SUPV3L1: variants seen among roughly 807,000 people sequenced by gnomAD.
SUPV3L1 encodes the protein ATP-dependent RNA helicase SUPV3L1, mitochondrial.
Under a neutral mutation model 70.0 loss-of-function variants are expected in SUPV3L1, and 35 were observed. That is an observed-to-expected ratio of 0.50 (90% confidence interval 0.38 to 0.66). The LOEUF is 0.66. SUPV3L1 is among the 30% of genes least tolerant of loss of function. The pLI, the probability that SUPV3L1 is intolerant of heterozygous loss-of-function variation, is 0.00. For synonymous variants in SUPV3L1, 364 were observed against 341.9 expected (o/e 1.06, Z -0.71); for missense variants, 777 against 961.5 (o/e 0.81, Z 2.54).
intron 3 of SUPV3L1, chr10:69,187,343 T>TTTG (rs1221143297): frequency 9.1e-6 from 1 of 109,676 alleles, no homozygotes; most frequent in Non-Finnish European, 2.0e-5. Flanking sequence ...TTTTCTTCCT[T>TTTG]TTTTTTTTTT....
Position 69,200,247 on chromosome 10 carries a change from C to T in SUPV3L1, c.1299-33C>T, listed in dbSNP as rs374326121. The T allele has an allele frequency of 1.4e-4, 217 of 1,574,878 alleles. 2 individuals are homozygous for T. In the Admixed American group the frequency reaches 1.7e-3, roughly 13 times the overall value. On this transcript the variant is annotated intron_variant, in intron 10 of 14. Coordinates refer to ENST00000359655, the MANE Select transcript of SUPV3L1 (RefSeq NM_003171.5). Reference sequence around the variant, plus strand: ...CCCAAGTATTGGAGGGTTTTTCATACAGTCTGCAGGATCACTTTTATTTCT... The same window carrying T: ...CCCAAGTATTGGAGGGTTTTTCATATAGTCTGCAGGATCACTTTTATTTCT...
At chr10:69,208,515 T>A (rs1589393985) in intron 14 of SUPV3L1, 85 bp from the exon 15 acceptor site, 1 of 1,348,198 alleles carries the variant, frequency 7.4e-7, no homozygotes, top group African/African-American at 1.5e-5. Context: ...AATTTATCAA[T>A]GTCATGATGT....
chr10:69,198,238 G>C (rs1842593302), intron 8 of SUPV3L1, 134 bp from the exon 9 acceptor site: 28 of 672,146 alleles, frequency 4.2e-5, no homozygotes, highest in Non-Finnish European at 4.8e-6. Flanking sequence ...GTTTTTCTGT[G>C]TTTTCTTTTG....
chr10:69,185,928 C>CT (rs1345769400), intron 1 of SUPV3L1, 59 bp from the exon 2 acceptor site: 9 of 1,364,050 alleles, frequency 6.6e-6, no homozygotes, highest in South Asian at 1.2e-5. Flanking sequence ...GTTTCTTTTG[C>CT]TTTTTTTCAG....
intron 7 of SUPV3L1, among the ~76,000 whole-genome samples, chr10:69,196,221 G>A (rs1375283099): frequency 6.6e-6 from 1 of 152,110 alleles, no homozygotes; most frequent in Non-Finnish European, 1.5e-5. Flanking sequence ...GCTGGGTGCG[G>A]TGGCTCACGC....
chr10:69,200,625 C>T, intron 11 of SUPV3L1, 126 bp downstream of exon 11: 1 of 775,334 alleles, frequency 1.3e-6, no homozygotes. Flanking sequence ...AAATTTTGTG[C>T]CATGAAAACT....
chr10:69,207,871 C>T lies in SUPV3L1; in HGVS notation c.1855C>T (p.Pro619Ser). ...RRYIKWPLLP[P>S]KNIKDLMDLE... ...ATACATCAAATGGCCTTTACTTCCA[C>T]CTAAGAATATTAAAGACCTCATGGA... The change falls in exon 14 of 15, where the codon CCT becomes TCT. Residue 619 changes from proline to serine, a missense_variant. By Grantham distance (74) the Pro-to-Ser change is moderately conservative (BLOSUM62 -1). Transcript: ENST00000359655. 6.2e-7 allele frequency: 1 copy of T among 1,614,142 alleles called. No homozygotes were observed. The highest frequency in any genetic ancestry group is 8.5e-7 in the Non-Finnish European group (1 of 1,180,034).
intron 13 of SUPV3L1, among the ~76,000 whole-genome samples, chr10:69,206,325 C>T (rs543593117): frequency 6.6e-6 from 1 of 152,188 alleles, no homozygotes; most frequent in Non-Finnish European, 1.5e-5. Context: ...TGCTCTTCCT[C>T]TCTGAAGTAT....
chr10:69,183,058 TACAC>T (rs1367182496), intron 1 of SUPV3L1, among the ~76,000 whole-genome samples: 1 of 152,122 alleles, frequency 6.6e-6, no homozygotes, highest in African/African-American at 2.4e-5. Flanking sequence ...TTGTCTTTCT[TACAC>T]ACACCTCACC....
chr10:69,202,743 G>A, intron 12 of SUPV3L1, 124 bp from the exon 13 acceptor site: 1 of 1,132,102 alleles, frequency 8.8e-7, no homozygotes, highest in Non-Finnish European at 1.3e-6. Context: ...AGTGATTAAA[G>A]CAAGCCTTTA....
Position 69,208,750 on chromosome 10 carries a change from A to T in SUPV3L1, c.2076A>T (p.Pro692=). 1 of 1,614,208 alleles carries T rather than the reference A, an allele frequency of 6.2e-7. No individual in the cohort carries two copies. Among genetic ancestry groups the T allele is most frequent in the Non-Finnish European group, 8.5e-7 (1 of 1,180,032 alleles). The change falls in exon 15 of 15, where the codon CCA becomes CCT. Residue 692 remains proline, a synonymous_variant. Transcript: ENST00000359655. The stretch of plus-strand genomic sequence containing the variant: ...AGCTGTTGAATTTGGAGGGCTTTCC[A>T]TCAGGGAGCCAGTCACGATTGTCAG... The part of the protein sequence containing the change: ...THKLLNLEGF[P]SGSQSRLSGT...
chr10:69,202,460 G>T lies in SUPV3L1; in HGVS notation c.1540G>T (p.Ala514Ser), dbSNP rs763065756. The T allele has an allele frequency of 3.4e-5, 55 of 1,612,558 alleles. No individual in the cohort carries two copies. The highest frequency in any genetic ancestry group is 4.6e-5 in the Non-Finnish European group (54 of 1,179,330). Residue 514 changes from alanine (A) to serine (S), a missense_variant, in exon 12 of 15, where the codon GCT becomes TCT. This residue lies in a region of SUPV3L1 where 619 missense variants were observed against 823.3 expected (regional missense o/e 0.75). Transcript: ENST00000359655. ...AAAGGCAGCTGGTCTTCATCCAACT[G>T]CTGAGCAGATTGAAATGTTTGCCTA... is the stretch of plus-strand genomic sequence containing the variant. The part of the protein sequence containing the change: ...PIRAAGLHPT[A>S]EQIEMFAYHL...
At chr10:69,181,738 C>T (rs1356808104) in intron 1 of SUPV3L1, among the ~76,000 whole-genome samples, 2 of 152,000 alleles carry the variant, frequency 1.3e-5, no homozygotes, top group African/African-American at 4.8e-5. Context: ...ATCCTTTTTT[C>T]CTGTGATAAC....
chr10:69,202,411 TTA>T, intron 11 of SUPV3L1, 26 bp from the exon 12 acceptor site: 1 of 1,590,428 alleles, frequency 6.3e-7, no homozygotes, highest in Non-Finnish European at 8.6e-7. Context: ...AAAAATCAGC[TTA>T]TGATTGTTTT....
intron 4 of SUPV3L1, among the ~76,000 whole-genome samples, chr10:69,189,058 G>A (rs143507403): frequency 8.0e-4 from 122 of 152,264 alleles, no homozygotes; most frequent in African/African-American, 2.8e-3. Context: ...ATTTGCATTT[G>A]GGTTTTTCTG....
In SUPV3L1 at chr10:69,189,341, A is replaced by G; in HGVS notation, c.647A>G (p.His216Arg). Residue 216 changes from histidine (H) to arginine (R), a missense_variant, in exon 5 of 15, where the codon CAC becomes CGC. Physicochemically the swap from His to Arg is conservative, Grantham distance 29. Transcript: ENST00000359655. ...CCCACAAACAGTGGAAAGACTTATC[A>G]CGCAATCCAGAAATACTTCTCAGCA... ...SGPTNSGKTY[H>R]AIQKYFSAKS... 1 of 1,614,180 alleles carries G rather than the reference A, an allele frequency of 6.2e-7. No homozygotes were observed. The highest frequency in any genetic ancestry group is 8.5e-7 in the Non-Finnish European group (1 of 1,180,018).
chr10:69,187,593 A>G, intron 3 of SUPV3L1, 49 bp from the exon 4 acceptor site: 2 of 1,335,460 alleles, frequency 1.5e-6, no homozygotes, highest in Non-Finnish European at 2.1e-6. Context: ...AAATTTAGTT[A>G]CGAATTTTAT....
chr10:69,184,629 A>AC (rs1459561182), intron 1 of SUPV3L1, among the ~76,000 whole-genome samples: 2 of 151,130 alleles, frequency 1.3e-5, no homozygotes, highest in African/African-American at 4.9e-5. Context: ...ACACACACAC[A>AC]CACACACACA....
chr10:69,200,083 A>G (rs1028482048), intron 10 of SUPV3L1, among the ~76,000 whole-genome samples, 197 bp from the exon 11 acceptor site: 1 of 151,090 alleles, frequency 6.6e-6, no homozygotes, highest in African/African-American at 2.4e-5. Context: ...TGGCCTCAAA[A>G]CAATCCTCCT....
Sources: gnomAD v4.1 joint callset for allele counts (sites outside exome capture counted in the v4.1 genomes callset) on GRCh38, gnomAD v4.1.1 for gene constraint, gnomAD v4.1.1 regional missense constraint, MANE v1.5 for transcripts, NCBI Gene and HGNC (gene_info 2026-07-23, HGNC 2026-07-21) for gene names.